ZC3H12B: variants seen among roughly 807,000 people sequenced by gnomAD.
ZC3H12B encodes the protein zinc finger CCCH-type containing 12B.
A neutral mutation model predicts 43.9 loss-of-function variants in ZC3H12B; 7 were observed. The observed-to-expected ratio is 0.16, with a 90% CI of 0.09 to 0.30. ZC3H12B has a LOEUF of 0.30. ZC3H12B is among the 10% of genes least tolerant of loss of function. The probability of loss-of-function intolerance (pLI) is 1.00; values close to 1 mark genes in which losing one functional copy is unlikely to be tolerated. For synonymous variants in ZC3H12B, 222 were observed against 241.7 expected (o/e 0.92, Z 0.76); for missense variants, 475 against 670.2 (o/e 0.71, Z 3.22).
At chrX:65,090,394 T>C in the ZC3H12B span, among the ~76,000 whole-genome samples, 1 of 112,316 alleles carries the variant, frequency 8.9e-6, no homozygotes, top group East Asian at 2.8e-4. Context: ...CCTCTACTTC[T>C]TTTGATAAAT....
At chrX:65,300,457 T>C in the ZC3H12B span, among the ~76,000 whole-genome samples, 1 of 111,230 alleles carries the variant, frequency 9.0e-6, no homozygotes, top group Non-Finnish European at 1.9e-5. Context: ...GGGAATGCAA[T>C]TTCATCAGCC....
chrX:65,409,231 C>G (rs2066873539), intron 3 of ZC3H12B, among the ~76,000 whole-genome samples: 2 of 109,987 alleles, frequency 1.8e-5, no homozygotes, highest in African/African-American at 3.3e-5. Flanking sequence ...TTCAGGAAAT[C>G]ACTGTATTAG....
At chrX:65,229,908 G>A in the ZC3H12B span, among the ~76,000 whole-genome samples, 3 of 111,086 alleles carry the variant, frequency 2.7e-5, no homozygotes, top group African/African-American at 9.8e-5. Context: ...AGGATGTGGA[G>A]AAATAGGAAC....
At chrX:65,394,188 G>T (rs2066664803) in intron 2 of ZC3H12B, among the ~76,000 whole-genome samples, 1 of 112,227 alleles carries the variant, frequency 8.9e-6, no homozygotes, top group Non-Finnish European at 1.9e-5. Flanking sequence ...TTGCTGGGCA[G>T]AAGCTCTTTA....
chrX:65,230,232 G>A, the ZC3H12B span, among the ~76,000 whole-genome samples: 7 of 111,266 alleles, frequency 6.3e-5, no homozygotes, highest in African/African-American at 2.3e-4. Flanking sequence ...CATGTCCTTT[G>A]TAGGGACATG....
the ZC3H12B span, among the ~76,000 whole-genome samples, chrX:65,211,824 A>G: frequency 1.2e-5 from 1 of 81,331 alleles, no homozygotes; most frequent in South Asian, 5.5e-4. Context: ...AATATATATT[A>G]TGTATACTAT....
the ZC3H12B span, among the ~76,000 whole-genome samples, chrX:65,314,102 G>A: frequency 2.8e-4 from 31 of 111,207 alleles, no homozygotes; most frequent in Non-Finnish European, 5.1e-4. Flanking sequence ...AAATAGAGCA[G>A]TAGAACTAAT....
At chrX:65,257,621 T>TA in the ZC3H12B span, among the ~76,000 whole-genome samples, 9 of 107,412 alleles carry the variant, frequency 8.4e-5, no homozygotes, top group South Asian at 4.0e-4. Flanking sequence ...AGAGAACCTT[T>TA]AAAAAAAAAT....
chrX:65,167,195 A>T, the ZC3H12B span, among the ~76,000 whole-genome samples: 1 of 111,743 alleles, frequency 8.9e-6, no homozygotes, highest in Non-Finnish European at 1.9e-5. Flanking sequence ...TTAAGTCTTT[A>T]ATCCATCTTG....
chrX:65,239,450 G>A, the ZC3H12B span, among the ~76,000 whole-genome samples: 1 of 104,380 alleles, frequency 9.6e-6, no homozygotes, highest in Non-Finnish European at 2.0e-5. Context: ...CCTTTATTTT[G>A]AGTTTATTTG....
chrX:65,366,264 T>C (rs2066174103), upstream of ZC3H12B, among the ~76,000 whole-genome samples: 1 of 110,951 alleles, frequency 9.0e-6, no homozygotes, highest in African/African-American at 3.3e-5. Flanking sequence ...ATGGTGCTTT[T>C]TTCCAAGTGG....
At chrX:65,140,427 G>T in the ZC3H12B span, among the ~76,000 whole-genome samples, 1 of 111,762 alleles carries the variant, frequency 8.9e-6, no homozygotes, top group Non-Finnish European at 1.9e-5. Flanking sequence ...AACTATCCTT[G>T]CAGTTCTGTG....
At chrX:65,205,067 T>C in the ZC3H12B span, among the ~76,000 whole-genome samples, 8 of 112,394 alleles carry the variant, frequency 7.1e-5, no homozygotes, top group Admixed American at 6.6e-4. Context: ...CATGTAAATA[T>C]ATGTATTGTA....
chrX:65,247,391 A>C, the ZC3H12B span, among the ~76,000 whole-genome samples: 2 of 112,331 alleles, frequency 1.8e-5, no homozygotes, highest in Non-Finnish European at 3.8e-5. Flanking sequence ...TACTGGGTAT[A>C]TACCCAAAGG....
chrX:65,395,112 G>A (rs1199388188), intron 2 of ZC3H12B, among the ~76,000 whole-genome samples: 2 of 111,942 alleles, frequency 1.8e-5, no homozygotes, highest in African/African-American at 6.5e-5. Context: ...TTTGGGCTGA[G>A]ATGATGAGGT....
chrX:65,101,776 C>T, the ZC3H12B span, among the ~76,000 whole-genome samples: 1 of 112,016 alleles, frequency 8.9e-6, no homozygotes, highest in Non-Finnish European at 1.9e-5. Flanking sequence ...AAAGCCAGGA[C>T]CACATGGATG....
intron 3 of ZC3H12B, among the ~76,000 whole-genome samples, chrX:65,452,404 T>A (rs748930030): frequency 1.9e-4 from 20 of 106,340 alleles, no homozygotes; most frequent in Admixed American, 7.1e-4. Context: ...AAGCTGAGAA[T>A]CAAATCAAGA....
chrX:65,084,509 C>T, the ZC3H12B span, among the ~76,000 whole-genome samples: 11 of 112,286 alleles, frequency 9.8e-5, no homozygotes, highest in Non-Finnish European at 1.7e-4. Flanking sequence ...TGATAAGTTG[C>T]TCAACGTCAT....
At chrX:65,046,609 C>G in the ZC3H12B span, among the ~76,000 whole-genome samples, 1 of 112,041 alleles carries the variant, frequency 8.9e-6, no homozygotes, top group African/African-American at 3.2e-5. Flanking sequence ...CAGCCATAGG[C>G]TGTTTTGCTG....
Sources: gnomAD v4.1 joint callset for allele counts (sites outside exome capture counted in the v4.1 genomes callset) on GRCh38, gnomAD v4.1.1 for gene constraint, MANE v1.5 for transcripts, NCBI Gene and HGNC (gene_info 2026-07-23, HGNC 2026-07-21) for gene names.